Variants in CD55 observed in about 807,000 individuals in gnomAD.
CD55 encodes the protein complement decay-accelerating factor.
Under a neutral mutation model 45.8 loss-of-function variants are expected in CD55, and 41 were observed. That is an observed-to-expected ratio of 0.90 (90% CI 0.70 to 1.16). The LOEUF (loss-of-function observed/expected upper bound fraction) is 1.16. CD55 is among the 50% of genes most tolerant of loss of function. CD55 has a pLI of 0.00. For synonymous variants in CD55, 181 were observed against 181.1 expected (o/e 1.00, Z 0.01); for missense variants, 416 against 469.8 (o/e 0.89, Z 1.06).
chr1:207,344,774 G>A (rs996822852), intron 9 of CD55, among the ~76,000 whole-genome samples: 5 of 151,376 alleles, frequency 3.3e-5, no homozygotes, highest in Non-Finnish European at 5.9e-5. Flanking sequence ...GTACAGTGGC[G>A]CAATCTCAGC....
intron 9 of CD55, among the ~76,000 whole-genome samples, chr1:207,351,327 G>T (rs1655859456): frequency 6.6e-6 from 1 of 152,110 alleles, no homozygotes; most frequent in Non-Finnish European, 1.5e-5. Flanking sequence ...TGTTGTTCTT[G>T]GGTGTAATGT....
intron 9 of CD55, among the ~76,000 whole-genome samples, chr1:207,355,915 T>G (rs1656060073): frequency 6.6e-6 from 1 of 152,200 alleles, no homozygotes; most frequent in Non-Finnish European, 1.5e-5. Flanking sequence ...TATTTGAGCA[T>G]TGTGATATTC....
Position 207,321,758 on chromosome 1 carries a change from G to C in CD55, c.-8G>C, listed in dbSNP as rs1309959371. On this transcript the variant is annotated 5_prime_UTR_variant, in exon 1 of 10. Transcript: ENST00000367064. Reference sequence around the variant, plus strand: ...CGGCGGCGCGTCCTTGTTCTAACCCGGCGCGCCATGACCGTCGCGCGGCCG... The same window carrying C: ...CGGCGGCGCGTCCTTGTTCTAACCCCGCGCGCCATGACCGTCGCGCGGCCG... 6.0e-6 allele frequency: 9 copies of C among 1,508,194 alleles called. No individual in the cohort carries two copies. The highest frequency in any genetic ancestry group is 4.9e-5 in the South Asian group (4 of 80,906). 93.4% of individuals were successfully genotyped at this position (1,508,194 alleles called of 1,614,324 possible). A position where few individuals can be genotyped will look rare whatever the true frequency, so the allele number is the denominator to read the frequency against.
rs1654578811 is a variant in CD55 at position 207,324,554 on chromosome 1, T to G, written c.287-5T>G. 1 of 1,544,368 alleles carries G rather than the reference T, an allele frequency of 6.5e-7. No homozygotes were observed. Among genetic ancestry groups the G allele is most frequent in the Non-Finnish European group, 8.7e-7 (1 of 1,144,944 alleles). On this transcript the variant is annotated splice_region_variant and splice_polypyrimidine_tract_variant and intron_variant, in intron 2 of 9. Coordinates refer to ENST00000367064, the MANE Select transcript of CD55 (RefSeq NM_000574.5). ...TTTTGTTGCTGCTTTTGTTAATACT[T>G]TTAGGTAGCTGCGAGGTGCCAACAA...
chr1:207,327,589 C>T (rs760882502), intron 5 of CD55, among the ~76,000 whole-genome samples: 1 of 152,144 alleles, frequency 6.6e-6, no homozygotes, highest in Non-Finnish European at 1.5e-5. Context: ...TCTTTCCATC[C>T]TTCTCTCTCT....
intron 8 of CD55, among the ~76,000 whole-genome samples, chr1:207,337,957 G>T (rs1347789921): frequency 6.6e-6 from 1 of 152,130 alleles, no homozygotes; most frequent in Non-Finnish European, 1.5e-5. Context: ...CCAAGTAATT[G>T]TGTTTTATCT....
In CD55 at chr1:207,339,389, G is replaced by C. The variant is rs28371628; in HGVS notation, c.1061-8G>C. 1.3e-6 allele frequency: 2 copies of C among 1,597,474 alleles called. No individual in the cohort carries two copies. Among genetic ancestry groups the C allele is most frequent in the African/African-American group, 2.7e-5 (2 of 73,952 alleles). ...GTTGTTAATCCTTTTTTTCCCCTTC[G>C]TCTGTAGGTACTACCCGTCTTCTAT... On this transcript the variant is annotated splice_polypyrimidine_tract_variant and splice_region_variant and intron_variant, in intron 8 of 9. Transcript: ENST00000367064.
At chr1:207,336,659 T>A in intron 6 of CD55, 34 bp from the exon 7 acceptor site, 1 of 1,611,100 alleles carries the variant, frequency 6.2e-7, no homozygotes, top group East Asian at 2.2e-5. Context: ...CAGCAATATT[T>A]AGCTAACTTG....
chr1:207,324,873 C>T (rs774772615), intron 3 of CD55, 123 bp downstream of exon 3: 15 of 462,118 alleles, frequency 3.2e-5, no homozygotes, highest in Non-Finnish European at 5.2e-5. Flanking sequence ...CTTGATAGGA[C>T]CATGAGTGTC....
intron 9 of CD55, among the ~76,000 whole-genome samples, chr1:207,344,300 G>A (rs1426917693): frequency 1.3e-5 from 2 of 151,980 alleles, no homozygotes; most frequent in African/African-American, 2.4e-5. Flanking sequence ...TTCTTTGTGT[G>A]TTTGCTCTAC....
rs1654583347 is a variant in CD55 at position 207,324,625 on chromosome 1, A to G, written c.353A>G (p.Tyr118Cys). 6.2e-7 allele frequency: 1 copy of G among 1,611,886 alleles called. No individual in the cohort carries two copies. The highest frequency in any genetic ancestry group is 1.7e-5 in the Admixed American group (1 of 59,696). Reference protein sequence around the residue: ...SLKQPYITQNYFPVGTVVEYE... With the variant: ...SLKQPYITQNCFPVGTVVEYE... ...AAACAGCCTTATATCACTCAGAATT[A>G]TTTTCCAGTCGGTACTGTTGTGGAA... Residue 118 changes from tyrosine to cysteine, a missense_variant, in exon 3 of 10, where the codon TAT becomes TGT. Tyr to Cys is a radical substitution (Grantham distance 194). This residue lies in a region of CD55 where 111 missense variants were observed against 163.4 expected (regional missense o/e 0.68). Transcript: ENST00000367064.
At chr1:207,341,000 A>C (rs28738993) in intron 9 of CD55, among the ~76,000 whole-genome samples, 32,712 of 152,092 alleles carry the variant, frequency 0.22, 3,676 homozygotes, top group Middle Eastern at 0.26. Context: ...GAGGTTAAGA[A>C]CTGATAGCTC....
intron 9 of CD55, among the ~76,000 whole-genome samples, chr1:207,356,527 A>C (rs1431405780): frequency 6.6e-6 from 1 of 152,196 alleles, no homozygotes; most frequent in African/African-American, 2.4e-5. Context: ...AGGAAAAATC[A>C]ACCTCTAACA....
intron 6 of CD55, among the ~76,000 whole-genome samples, chr1:207,334,037 G>C (rs1006697425): frequency 3.9e-5 from 6 of 152,078 alleles, no homozygotes; most frequent in African/African-American, 1.4e-4. Context: ...AAGTACATTA[G>C]CCAACAGATT....
chr1:207,341,277 C>A (rs1009934171), intron 9 of CD55, among the ~76,000 whole-genome samples: 1 of 151,994 alleles, frequency 6.6e-6, no homozygotes, highest in African/African-American at 2.4e-5. Context: ...TTAATATAGT[C>A]CTATTTATCT....
intron 9 of CD55, among the ~76,000 whole-genome samples, chr1:207,357,594 G>T (rs1294050139): frequency 6.6e-6 from 1 of 151,656 alleles, no homozygotes; most frequent in Non-Finnish European, 1.5e-5. Context: ...GCGGGGGCAG[G>T]GCAGCAAGAT....
chr1:207,337,337 AG>A lies in CD55; in HGVS notation c.989del (p.Ser330IlefsTer38). 1.2e-6 allele frequency: 2 copies of A among 1,604,518 alleles called. No individual in the cohort carries two copies. Among genetic ancestry groups the A allele is most frequent in the Non-Finnish European group, 1.7e-6 (2 of 1,171,378 alleles). The part of the protein sequence containing the change: ...TTTPNAQATR[S>X]TPVSRTTKHF... ...TTCTGCTCATATTACAGCAACACGG[AG>A]TACACCTGTTTCCAGGACAACCAAG... On this transcript the variant is annotated frameshift_variant, in exon 8 of 10. Transcript: ENST00000367064. LOFTEE classifies it high-confidence loss of function.
At chr1:207,358,741 AGTT>A (rs1298896530) in intron 9 of CD55, 4 of 152,110 alleles carry the variant, frequency 2.6e-5, no homozygotes, top group Non-Finnish European at 5.9e-5. Flanking sequence ...CTGTCACTAG[AGTT>A]GTTTTTTTCT....
intron 9 of CD55, chr1:207,347,497 A>C: frequency 3.6e-6 from 1 of 279,972 alleles, no homozygotes; most frequent in South Asian, 3.3e-5. Flanking sequence ...CCTGGCCTCG[A>C]GATCTGCCTG....
Sources: allele counts gnomAD v4.1 joint callset (sites outside exome capture counted in the v4.1 genomes callset), GRCh38; gene constraint gnomAD v4.1.1; regional missense constraint gnomAD v4.1.1; transcripts MANE v1.5; gene names NCBI Gene and HGNC (gene_info 2026-07-23, HGNC 2026-07-21).